The following ZCCHC4 variants were observed in gnomAD, a reference collection of about 807,000 sequenced individuals.
ZCCHC4 encodes the protein zinc finger CCHC-type containing 4, also known as rRNA N(6)-adenosine-methyltransferase ZCCHC4.
In ZCCHC4, 54 loss-of-function variants were observed where a neutral mutation model predicts 67.7. The ratio of observed to expected loss-of-function variants is 0.80; its 90% confidence interval spans 0.64 to 1.00. The LOEUF (loss-of-function observed/expected upper bound fraction) is 1.00, where lower values mean the gene tolerates loss of function less well. Among genes scored for constraint, ZCCHC4 ranks in the 50% least tolerant of loss-of-function variants. The pLI, the probability that ZCCHC4 is intolerant of heterozygous loss-of-function variation, is 0.00. For synonymous variants in ZCCHC4, 198 were observed against 213.5 expected (o/e 0.93, Z 0.63); for missense variants, 609 against 617.0 (o/e 0.99, Z 0.14).
At chr4:25,314,697 A>G (rs1052540782) in intron 2 of ZCCHC4, among the ~76,000 whole-genome samples, 12 of 152,188 alleles carry the variant, frequency 7.9e-5, no homozygotes, top group Non-Finnish European at 2.9e-5. Context: ...TTACCTCTCA[A>G]AGGCGCCTCA....
At position 25,312,870 on chromosome 4, in the gene ZCCHC4, G is replaced by A. The variant is rs199598617; in HGVS notation, c.61G>A (p.Gly21Arg). 3.7e-6 allele frequency: 6 copies of A among 1,612,962 alleles called. No homozygotes were observed. Among genetic ancestry groups the A allele is most frequent in the Non-Finnish European group, 5.1e-6 (6 of 1,180,040 alleles). ...GGCAGAGGGCAGCGCAGGGTGCCGG[G>A]GAAGCTCGGGAATGGAGGTGGTGCT... ...VEAEGSAGCR[G>R]SSGMEVVLPL... Residue 21 changes from glycine (G) to arginine (R), a missense_variant, in exon 1 of 13, where the codon GGA becomes AGA. Coordinates refer to ENST00000302874, the MANE Select transcript of ZCCHC4 (RefSeq NM_024936.3).
intron 3 of ZCCHC4, among the ~76,000 whole-genome samples, chr4:25,319,479 G>A (rs1227967076): frequency 6.6e-6 from 1 of 152,184 alleles, no homozygotes; most frequent in Non-Finnish European, 1.5e-5. Context: ...ACAGGGTAAG[G>A]AGAGGACATC....
chr4:25,349,168 T>G (rs1234350689), intron 6 of ZCCHC4, among the ~76,000 whole-genome samples: 1 of 152,214 alleles, frequency 6.6e-6, no homozygotes, highest in African/African-American at 2.4e-5. Context: ...ATTTAACATT[T>G]TAGATAGTTT....
At chr4:25,360,601 A>G (rs1207896639) in intron 8 of ZCCHC4, among the ~76,000 whole-genome samples, 1 of 152,228 alleles carries the variant, frequency 6.6e-6, no homozygotes, top group African/African-American at 2.4e-5. Context: ...CCAAACTGGG[A>G]CAGTGCAGGC....
intron 5 of ZCCHC4, among the ~76,000 whole-genome samples, chr4:25,341,897 C>G (rs1719772582): frequency 6.6e-6 from 1 of 152,122 alleles, no homozygotes; most frequent in African/African-American, 2.4e-5. Context: ...TAATTCCATG[C>G]CTTTTAGTTT....
intron 4 of ZCCHC4, 73 bp downstream of exon 4, chr4:25,333,531 T>C: frequency 4.1e-6 from 6 of 1,470,552 alleles, no homozygotes; most frequent in Non-Finnish European, 5.6e-6. Context: ...TATTAAGTAG[T>C]TACTTACTCT....
chr4:25,326,547 C>T (rs1718894178), intron 3 of ZCCHC4, among the ~76,000 whole-genome samples: 1 of 152,068 alleles, frequency 6.6e-6, no homozygotes, highest in Admixed American at 6.5e-5. Context: ...TTTCCCTTGA[C>T]CTATAGGTAT....
chr4:25,325,144 G>A (rs1199732750), intron 3 of ZCCHC4, among the ~76,000 whole-genome samples: 12 of 122,066 alleles, frequency 9.8e-5, no homozygotes, highest in African/African-American at 3.1e-4. Flanking sequence ...TCGGGAGGCT[G>A]AGGCAGGAGA....
intron 3 of ZCCHC4, among the ~76,000 whole-genome samples, chr4:25,315,782 C>T (rs1718229775): frequency 6.6e-6 from 1 of 151,244 alleles, no homozygotes; most frequent in South Asian, 2.1e-4. Context: ...GGTGCTGTCA[C>T]GACTCACTAT....
At position 25,355,600 on chromosome 4, in the gene ZCCHC4, A is replaced by G. The variant is rs149880770; in HGVS notation, c.1011+3911A>G. On this transcript the variant is annotated intron_variant, in intron 8 of 12. Transcript: ENST00000302874. ...AAAAATATAGCTCTTTGCTTTTGTC[A>G]AAGCTATCCTTTTTAAACATCAGCC... Among the ~76,000 whole-genome samples, 494 of 152,282 alleles carry G rather than the reference A, an allele frequency of 3.2e-3. 1 individual carries two copies. The highest frequency in any genetic ancestry group is 0.012 in the African/African-American group (478 of 41,556).
At chr4:25,319,387 AG>A (rs1718457111) in intron 3 of ZCCHC4, among the ~76,000 whole-genome samples, 1 of 152,036 alleles carries the variant, frequency 6.6e-6, no homozygotes, top group African/African-American at 2.4e-5. Context: ...TCCGTCTCAA[AG>A]AAAAAAAAAA....
intron 11 of ZCCHC4, 131 bp from the exon 12 acceptor site, chr4:25,364,891 A>G: frequency 7.8e-7 from 1 of 1,284,196 alleles, no homozygotes; most frequent in East Asian, 2.5e-5. Flanking sequence ...CTTTAGCCAA[A>G]CTAAAACTAG....
chr4:25,329,996 T>G (rs1719097735), intron 3 of ZCCHC4, among the ~76,000 whole-genome samples: 1 of 152,068 alleles, frequency 6.6e-6, no homozygotes, highest in Admixed American at 6.5e-5. Flanking sequence ...GATTTTTTAA[T>G]TTTTTACTTT....
intron 11 of ZCCHC4, 147 bp from the exon 12 acceptor site, chr4:25,364,875 T>G: frequency 3.7e-6 from 4 of 1,084,690 alleles, no homozygotes; most frequent in Non-Finnish European, 5.2e-6. Context: ...CTCTTCTCCC[T>G]GGTCTCTTTA....
rs1721087094 is a variant in ZCCHC4, at chr4:25,370,027, ATATT to A, written c.*868_*871del. The A allele has an allele frequency of 3.3e-5, 5 of 152,292 alleles. No homozygotes were observed. Among genetic ancestry groups the A allele is most frequent in the Admixed American group, 2.6e-4 (4 of 15,294 alleles). 9.4% of individuals were successfully genotyped at this position (152,292 alleles called of 1,614,324 possible). A position where few individuals can be genotyped will look rare whatever the true frequency, so the allele number is the denominator to read the frequency against. On this transcript the variant is annotated 3_prime_UTR_variant, in exon 13 of 13. Transcript: ENST00000302874. ...ATAATTATAATTACATTATTATTAAATATTTATTCTTCAAGTACTTTTTGCAGTT... is the reference window on the plus strand; with the variant it reads ...ATAATTATAATTACATTATTATTAAATATTCTTCAAGTACTTTTTGCAGTT...
chr4:25,314,347 TAAAC>T (rs1718132050), intron 2 of ZCCHC4, among the ~76,000 whole-genome samples, 183 bp downstream of exon 2: 1 of 152,236 alleles, frequency 6.6e-6, no homozygotes, highest in South Asian at 2.1e-4. Context: ...ACTGATATCT[TAAAC>T]TACTGTCTCA....
chr4:25,328,111 T>C (rs572686987), intron 3 of ZCCHC4, among the ~76,000 whole-genome samples: 1 of 152,220 alleles, frequency 6.6e-6, no homozygotes, highest in Non-Finnish European at 1.5e-5. Context: ...AATTGGTAAG[T>C]GTTCTCTCTT....
At chr4:25,361,622 T>C (rs1043345380) in intron 8 of ZCCHC4, 2 of 463,594 alleles carry the variant, frequency 4.3e-6, no homozygotes, top group African/African-American at 3.9e-5. Context: ...GTCTCGCTCA[T>C]GCCCAGAGAG....
chr4:25,332,618 G>A (rs1237234389), intron 3 of ZCCHC4, among the ~76,000 whole-genome samples: 1 of 152,198 alleles, frequency 6.6e-6, no homozygotes, highest in Admixed American at 6.5e-5. Flanking sequence ...GATATTCAGT[G>A]TAGTCTTTTT....
Sources: gnomAD v4.1 joint callset for allele counts (sites outside exome capture counted in the v4.1 genomes callset) on GRCh38, gnomAD v4.1.1 for gene constraint, MANE v1.5 for transcripts, NCBI Gene and HGNC (gene_info 2026-07-23, HGNC 2026-07-21) for gene names.